The following TAGLN variants were observed in gnomAD, a reference collection of about 807,000 sequenced individuals.
TAGLN encodes the protein 22 kDa actin-binding protein.
A neutral mutation model predicts 21.9 loss-of-function variants in TAGLN; 16 were observed. The ratio of observed to expected loss-of-function variants is 0.73; its 90% CI spans 0.49 to 1.11. The LOEUF (loss-of-function observed/expected upper bound fraction) is 1.11, where lower values mean the gene tolerates loss of function less well. Among genes scored for constraint, TAGLN ranks in the 50% least tolerant of loss-of-function variants. The pLI is 0.00. For missense variants in TAGLN, 248 were observed against 263.2 expected (o/e 0.94, Z 0.40); for synonymous variants, 96 against 94.9 (o/e 1.01, Z -0.06).
chr11:117,202,031 T>C (rs1437461135), intron 1 of TAGLN: 1 of 152,342 alleles, frequency 6.6e-6, no homozygotes, highest in South Asian at 2.1e-4. Flanking sequence ...CCCCTCTCCA[T>C]GAGTGGGACT....
At position 117,206,842 on chromosome 11, in the gene TAGLN, TC is replaced by T. The variant is rs1382192141; in HGVS notation, c.*2485del. On this transcript the variant is annotated 3_prime_UTR_variant, in exon 5 of 5. Transcript: ENST00000392951. ...GTGAGGATGCCCCACTGACTATGGT[TC>T]CTATACCATCTGCCCTCACCCATTT... 1 of 673,554 alleles carries T rather than the reference TC, an allele frequency of 1.5e-6. No individual in the cohort carries two copies. The highest frequency in any genetic ancestry group is 1.8e-5 in the African/African-American group (1 of 54,982). The allele number at this position is 673,554 out of a possible 1,614,324, so 41.7% of individuals were successfully genotyped here. A position where few individuals can be genotyped will look rare whatever the true frequency, so the allele number is the denominator to read the frequency against.
chr11:117,203,377 C>T lies in TAGLN; in HGVS notation c.251C>T (p.Pro84Leu), dbSNP rs764512264. Residue 84 changes from proline to leucine, a missense_variant, in exon 3 of 5, where the codon CCC (proline) becomes CTC (leucine). Transcript: ENST00000392951. The surrounding 1 kb of genome is among the most constrained non-coding windows in gnomAD (Gnocchi z 4.4). ...SKPVKVPENP[P>L]SMVFKQMEQV... ...CCGGTGAAGGTGCCCGAGAACCCAC[C>T]CTCCATGGTCTTCAAGCAGATGGAG... 2 of 1,614,126 alleles carry T rather than the reference C, an allele frequency of 1.2e-6. No homozygotes were observed. The highest frequency in any genetic ancestry group is 3.3e-5 in the Admixed American group (2 of 60,024).
rs1435216952 is a variant in TAGLN, at chr11:117,203,175, C to T, written c.162C>T (p.Val54=). Residue 54 remains valine (V), a synonymous_variant, in exon 2 of 5, where the codon GTC becomes GTT. Coordinates refer to ENST00000392951, the MANE Select transcript of TAGLN (RefSeq NM_003186.5). This position sits in a 1 kb window ranked among gnomAD's most constrained non-coding sequence, Gnocchi z 4.4. ...ACCGTGGGCGCTTGGGCTTCCAGGT[C>T]TGGCTGAAGAATGGCGTGGTGAGTG... is the stretch of plus-strand genomic sequence containing the variant. The part of the protein sequence containing the change: ...RPDRGRLGFQ[V]WLKNGVILSK... The T allele has an allele frequency of 6.3e-7, 1 of 1,589,928 alleles. No individual in the cohort carries two copies. The highest frequency in any genetic ancestry group is 8.6e-7 in the Non-Finnish European group (1 of 1,165,410).
chr11:117,203,026 G>C lies in TAGLN; in HGVS notation c.13G>C (p.Gly5Arg). The change falls in exon 2 of 5, where the codon GGT (glycine) becomes CGT (arginine). Residue 5 changes from glycine (G) to arginine (R), a missense_variant. Transcript: ENST00000392951. This position sits in a 1 kb window ranked among gnomAD's most constrained non-coding sequence, Gnocchi z 4.4. ...GCTTTCCCCAGACATGGCCAACAAG[G>C]GTCCTTCCTATGGCATGAGCCGCGA... MANKGPSYGMSREVQ... is the reference protein window; with the variant it reads MANKRPSYGMSREVQ... 9.6e-6 allele frequency: 15 copies of C among 1,569,820 alleles called. No individual in the cohort carries two copies. The highest frequency in any genetic ancestry group is 1.4e-5 in the African/African-American group (1 of 73,890).
rs45574931 is a variant in TAGLN at position 117,206,256 on chromosome 11, C to A, written c.*1897C>A. The A allele has an allele frequency of 3.1e-3, 4,937 of 1,614,050 alleles. 20 individuals carry two copies. Among genetic ancestry groups the A allele is most frequent in the Non-Finnish European group, 3.5e-3 (4,152 of 1,179,944 alleles). Reference sequence around the variant, plus strand: ...ATGGGGCCAGTGGCAGGGTCCACTCCTACAAACTTGATTGGAAGCCACATT... The same window carrying A: ...ATGGGGCCAGTGGCAGGGTCCACTCATACAAACTTGATTGGAAGCCACATT... On this transcript the variant is annotated 3_prime_UTR_variant, in exon 5 of 5. Coordinates refer to ENST00000392951, the MANE Select transcript of TAGLN (RefSeq NM_003186.5).
Position 117,203,648 on chromosome 11 carries a change from A to AG in TAGLN, c.359-132dup, listed in dbSNP as rs1177667805. The AG allele has an allele frequency of 1.6e-6, 2 of 1,244,212 alleles. No homozygotes were observed. The highest frequency in any genetic ancestry group is 2.3e-6 in the Non-Finnish European group (2 of 886,676). 77.1% of individuals were successfully genotyped at this position (1,244,212 alleles called of 1,614,324 possible). On this transcript the variant is annotated intron_variant, in intron 3 of 4. Coordinates refer to ENST00000392951, the MANE Select transcript of TAGLN (RefSeq NM_003186.5). This position sits in a 1 kb window ranked among gnomAD's most constrained non-coding sequence, Gnocchi z 4.4. ...CGCCACGCTCACAGGGCCCACTGAGAGGCCTCCCTTGAATTGGGGACAACT... is the reference window on the plus strand; with the variant it reads ...CGCCACGCTCACAGGGCCCACTGAGAGGGCCTCCCTTGAATTGGGGACAACT...
At position 117,203,214 on chromosome 11, in the gene TAGLN, G is replaced by C. The variant is rs770988312; in HGVS notation, c.180+21G>C. 1 of 1,591,018 alleles carries C rather than the reference G, an allele frequency of 6.3e-7. No homozygotes were observed. Among genetic ancestry groups the C allele is most frequent in the South Asian group, 1.1e-5 (1 of 88,232 alleles). On this transcript the variant is annotated intron_variant, in intron 2 of 4. Coordinates refer to ENST00000392951, the MANE Select transcript of TAGLN (RefSeq NM_003186.5). This position sits in a 1 kb window ranked among gnomAD's most constrained non-coding sequence, Gnocchi z 4.4. ...GCGTGGTGAGTGGCACCCTGGGCTA[G>C]GGCGCTGGGGGGCTGGGGTGTGCCA...
intron 1 of TAGLN, chr11:117,202,096 G>C (rs1326665760): frequency 1.3e-5 from 2 of 152,406 alleles, no homozygotes; most frequent in African/African-American, 2.4e-5. Flanking sequence ...ATGGGGCCAG[G>C]CTTCCCATTC....
Position 117,203,687 on chromosome 11 carries a change from T to G in TAGLN, c.359-95T>G, listed in dbSNP as rs2031202767. The G allele has an allele frequency of 3.6e-6, 5 of 1,404,786 alleles. No homozygotes were observed. The highest frequency in any genetic ancestry group is 4.9e-6 in the Non-Finnish European group (5 of 1,010,464). The allele number at this position is 1,404,786 out of a possible 1,614,324, so 87.0% of individuals were successfully genotyped here. A position where few individuals can be genotyped will look rare whatever the true frequency, so the allele number is the denominator to read the frequency against. Reference sequence around the variant, plus strand: ...TTGGGGACAACTCTTGGCCCTGGTTTGGCCATTTTTTTGTGAGAGACGGGG... The same window carrying G: ...TTGGGGACAACTCTTGGCCCTGGTTGGGCCATTTTTTTGTGAGAGACGGGG... On this transcript the variant is annotated intron_variant, in intron 3 of 4. Transcript: ENST00000392951. The surrounding 1 kb of genome is among the most constrained non-coding windows in gnomAD (Gnocchi z 4.4).
intron 1 of TAGLN, chr11:117,201,351 G>C (rs2031086476): frequency 6.6e-6 from 1 of 152,272 alleles, no homozygotes; most frequent in Admixed American, 6.5e-5. Context: ...TTCCGTGTGA[G>C]CTGCTGCGCG....
At position 117,206,442 on chromosome 11, in the gene TAGLN, CTTT is replaced by C. The variant is rs1395961832; in HGVS notation, c.*2086_*2088del. ...GCCCAGGACAATGAGCTCAGAAAGT[CTTT>C]TTCCTTCTAGGGACTGCCTTTTTCA... On this transcript the variant is annotated 3_prime_UTR_variant, in exon 5 of 5. Transcript: ENST00000392951. 6.6e-7 allele frequency: 1 copy of C among 1,526,100 alleles called. No homozygotes were observed. The highest frequency in any genetic ancestry group is 8.8e-7 in the Non-Finnish European group (1 of 1,138,576). The allele number at this position is 1,526,100 out of a possible 1,614,324, so 94.5% of individuals were successfully genotyped here. A position where few individuals can be genotyped will look rare whatever the true frequency, so the allele number is the denominator to read the frequency against.
chr11:117,199,864 C>T (rs568714393), intron 1 of TAGLN: 3 of 152,386 alleles, frequency 2.0e-5, no homozygotes, highest in East Asian at 3.9e-4. Context: ...TGTTGGAGCA[C>T]GGTGTCCCAC....
Position 117,203,598 on chromosome 11 carries a change from G to C in TAGLN, c.358+114G>C. 7.5e-7 allele frequency: 1 copy of C among 1,341,896 alleles called. No homozygotes were observed. Among genetic ancestry groups the C allele is most frequent in the Non-Finnish European group, 1.0e-6 (1 of 969,704 alleles). The allele number at this position is 1,341,896 out of a possible 1,614,324, so 83.1% of individuals were successfully genotyped here. On this transcript the variant is annotated intron_variant, in intron 3 of 4. Coordinates refer to ENST00000392951, the MANE Select transcript of TAGLN (RefSeq NM_003186.5). The surrounding 1 kb of genome is among the most constrained non-coding windows in gnomAD (Gnocchi z 4.4). ...GGGGTGTGCTTGCCCGCACACAGCA[G>C]GGATGGGATATGCCGAGAATAACAC...
Position 117,202,985 on chromosome 11 carries a change from A to C in TAGLN, c.-12-17A>C, listed in dbSNP as rs1591779276. 6.5e-7 allele frequency: 1 copy of C among 1,536,872 alleles called. No individual in the cohort carries two copies. The highest frequency in any genetic ancestry group is 8.8e-7 in the Non-Finnish European group (1 of 1,141,080). On this transcript the variant is annotated splice_polypyrimidine_tract_variant and intron_variant, in intron 1 of 4. Transcript: ENST00000392951. ...CTGACCCTCTGCCCCTCCCTCCTCC[A>C]CCCTGGCCTGCTTTAGCTTTCCCCA...
rs765717235 is a variant in TAGLN, at chr11:117,203,507, A to G, written c.358+23A>G. On this transcript the variant is annotated intron_variant, in intron 3 of 4. Transcript: ENST00000392951. This position sits in a 1 kb window ranked among gnomAD's most constrained non-coding sequence, Gnocchi z 4.4. ...AAGGTAGAGAGGAAGAGGCTGGGGGAGGAGGTGGGCAGGAGGACAGGGTGC... is the reference window on the plus strand; with the variant it reads ...AAGGTAGAGAGGAAGAGGCTGGGGGGGGAGGTGGGCAGGAGGACAGGGTGC... 1 of 1,610,088 alleles carries G rather than the reference A, an allele frequency of 6.2e-7. No individual in the cohort carries two copies. The highest frequency in any genetic ancestry group is 1.3e-5 in the African/African-American group (1 of 74,772).
chr11:117,204,021 C>T, intron 4 of TAGLN, 137 bp downstream of exon 4: 1 of 1,018,362 alleles, frequency 9.8e-7, no homozygotes, highest in Non-Finnish European at 1.5e-6. Context: ...AATAATGGGT[C>T]CTTAATACTC....
At chr11:117,204,125 G>A (rs1460408203) in intron 4 of TAGLN, 90 bp from the exon 5 acceptor site, 2 of 1,570,790 alleles carry the variant, frequency 1.3e-6, no homozygotes, top group Non-Finnish European at 1.7e-6. Context: ...GAAGGCAATG[G>A]GATTGGGCTA....
chr11:117,199,520 C>A (rs936707172), intron 1 of TAGLN, 88 bp downstream of exon 1: 1 of 152,280 alleles, frequency 6.6e-6, no homozygotes, highest in African/African-American at 2.4e-5. Flanking sequence ...CTCCTGAGGT[C>A]CCAGGCGCCA....
intron 1 of TAGLN, chr11:117,200,318 T>C (rs1333240343): frequency 6.6e-6 from 1 of 152,312 alleles, no homozygotes; most frequent in African/African-American, 2.4e-5. Context: ...CCCCTGGCTC[T>C]GCTCGTGTTT....
Sources: gnomAD v4.1 joint callset for allele counts on GRCh38, gnomAD v4.1.1 for gene constraint, Gnocchi (gnomAD v3.1) non-coding constraint, MANE v1.5 for transcripts, NCBI Gene and HGNC (gene_info 2026-07-23, HGNC 2026-07-21) for gene names.